DNAAF11: variants seen among roughly 807,000 people sequenced by gnomAD.
The protein encoded by DNAAF11 is dynein axonemal assembly factor 11.
A neutral mutation model predicts 60.8 loss-of-function variants in DNAAF11; 45 were observed. That is an observed-to-expected ratio of 0.74 (90% CI 0.58 to 0.95). The LOEUF (loss-of-function observed/expected upper bound fraction) is 0.95. Among genes scored for constraint, DNAAF11 ranks in the 40% least tolerant of loss-of-function variants. The pLI is 0.00. For missense variants in DNAAF11, 546 were observed against 546.2 expected (o/e 1.00, Z 0.00); for synonymous variants, 191 against 183.5 (o/e 1.04, Z -0.33).
chr8:132,643,336 G>C, intron 3 of DNAAF11: 1 of 204,658 alleles, frequency 4.9e-6, no homozygotes, highest in Admixed American at 5.2e-5. Flanking sequence ...AGTAAAAGTA[G>C]TTGTCACCAC....
intron 11 of DNAAF11, among the ~76,000 whole-genome samples, chr8:132,582,630 G>A (rs1815455869): frequency 6.6e-6 from 1 of 152,110 alleles, no homozygotes; most frequent in Non-Finnish European, 1.5e-5. Context: ...TTTTTCGGTA[G>A]GAATTCAATT....
chr8:132,655,804 C>T (rs774911528), intron 3 of DNAAF11, among the ~76,000 whole-genome samples: 1 of 152,034 alleles, frequency 6.6e-6, no homozygotes, highest in Non-Finnish European at 1.5e-5. Context: ...AGGATGGCTA[C>T]TATAAAAATA....
chr8:132,664,407 A>T (rs1423940624), intron 1 of DNAAF11, among the ~76,000 whole-genome samples: 1 of 152,228 alleles, frequency 6.6e-6, no homozygotes, highest in Non-Finnish European at 1.5e-5. Context: ...TCCAGGGTTG[A>T]CAAAGTTTCT....
intron 3 of DNAAF11, among the ~76,000 whole-genome samples, chr8:132,648,170 T>C (rs1822600086): frequency 6.6e-6 from 1 of 152,196 alleles, no homozygotes; most frequent in Non-Finnish European, 1.5e-5. Context: ...CATGATCAAG[T>C]GGGCTTCATC....
intron 10 of DNAAF11, among the ~76,000 whole-genome samples, chr8:132,592,667 T>C (rs923667963): frequency 2.0e-5 from 3 of 152,108 alleles, no homozygotes; most frequent in African/African-American, 7.2e-5. Context: ...AAAGTATATA[T>C]TGAAATAAAA....
At chr8:132,676,024 A>G (rs1387007099), upstream of DNAAF11, among the ~76,000 whole-genome samples, 6 of 152,178 alleles carry the variant, frequency 3.9e-5, no homozygotes, top group African/African-American at 1.4e-4. Flanking sequence ...CTTTAATTAG[A>G]TAATTTGAGT....
chr8:132,686,899 G>T, the DNAAF11 span, among the ~76,000 whole-genome samples: 1 of 152,142 alleles, frequency 6.6e-6, no homozygotes, highest in East Asian at 1.9e-4. Flanking sequence ...CTCCTGTATT[G>T]CTACTATTAT....
intron 5 of DNAAF11, among the ~76,000 whole-genome samples, chr8:132,627,163 A>C (rs904683568): frequency 3.9e-5 from 6 of 152,328 alleles, no homozygotes; most frequent in Non-Finnish European, 7.3e-5. Context: ...ATATTCTACA[A>C]TATTCTATAT....
chr8:132,701,407 G>T, the DNAAF11 span, among the ~76,000 whole-genome samples: 2 of 152,162 alleles, frequency 1.3e-5, no homozygotes, highest in Non-Finnish European at 2.9e-5. Flanking sequence ...ATGGACACTG[G>T]ACTTAGACCA....
In DNAAF11 at chr8:132,632,819, G is replaced by A. The variant is rs141945265; in HGVS notation, c.574C>T (p.Gln192Ter). The A allele has an allele frequency of 9.3e-6, 15 of 1,613,724 alleles. No individual in the cohort carries two copies. Among genetic ancestry groups the A allele is most frequent in the Admixed American group, 1.7e-5 (1 of 59,980 alleles). Reference sequence around the variant, plus strand: ...TTGTCTTCATTTTTATCCTCTTCTTGGTGTTTCCTCTGAGCCTCTTCCTTG... The same window carrying A: ...TTGTCTTCATTTTTATCCTCTTCTTAGTGTTTCCTCTGAGCCTCTTCCTTG... ...KLKEEAQRKHQEEDKNEDKRS... is the reference protein window; with the variant it reads ...KLKEEAQRKH Residue 192 changes from glutamine to a stop codon, truncating the protein, a stop_gained, in exon 5 of 12, where the codon CAA becomes TAA. Transcript: ENST00000620350. LOFTEE classifies it high-confidence loss of function.
At chr8:132,690,629 A>T in the DNAAF11 span, among the ~76,000 whole-genome samples, 6 of 152,202 alleles carry the variant, frequency 3.9e-5, no homozygotes, top group Admixed American at 3.9e-4. Context: ...TTCCTTAGCC[A>T]TTACCTAATG....
Position 132,572,283 on chromosome 8 carries a change from C to T in DNAAF11, c.*23G>A. ...AAAACTGGACCTGGTGGGTCTCAGC[C>T]AATGGCAACGCAGCCAGATGTTTCA... On this transcript the variant is annotated 3_prime_UTR_variant, in exon 12 of 12. Coordinates refer to ENST00000620350, the MANE Select transcript of DNAAF11 (RefSeq NM_012472.6). 4 of 1,606,612 alleles carry T rather than the reference C, an allele frequency of 2.5e-6. No individual in the cohort carries two copies. Among genetic ancestry groups the T allele is most frequent in the Non-Finnish European group, 3.4e-6 (4 of 1,176,496 alleles).
intron 7 of DNAAF11, among the ~76,000 whole-genome samples, chr8:132,617,302 A>C (rs957298703): frequency 6.6e-6 from 1 of 152,160 alleles, no homozygotes; most frequent in Non-Finnish European, 1.5e-5. Flanking sequence ...CCAAAAAACA[A>C]AATCAAAAGG....
chr8:132,586,657 G>T (rs1815933141), intron 10 of DNAAF11, among the ~76,000 whole-genome samples: 1 of 152,078 alleles, frequency 6.6e-6, no homozygotes, highest in African/African-American at 2.4e-5. Flanking sequence ...GAACTTGGGG[G>T]TCTACAATCC....
chr8:132,586,720 G>A (rs1815938865), intron 10 of DNAAF11, among the ~76,000 whole-genome samples: 1 of 152,100 alleles, frequency 6.6e-6, no homozygotes, highest in African/African-American at 2.4e-5. Context: ...GCCTGATTTG[G>A]CCAATTGAAA....
intron 11 of DNAAF11, among the ~76,000 whole-genome samples, chr8:132,582,943 C>T (rs759203410): frequency 3.3e-4 from 50 of 152,104 alleles, no homozygotes; most frequent in Non-Finnish European, 5.3e-4. Flanking sequence ...GAGCTTTGTG[C>T]AAATTACTTT....
At chr8:132,679,308 T>C (rs1825831755), upstream of DNAAF11, among the ~76,000 whole-genome samples, 1 of 152,148 alleles carries the variant, frequency 6.6e-6, no homozygotes, top group Admixed American at 6.6e-5. Context: ...CAGTAAATAT[T>C]TGTTGAATGA....
At chr8:132,596,804 CT>C (rs1196809897) in intron 10 of DNAAF11, among the ~76,000 whole-genome samples, 1 of 152,216 alleles carries the variant, frequency 6.6e-6, no homozygotes, top group Admixed American at 6.5e-5. Context: ...CTGTTGCCCC[CT>C]GTAAGGATCC....
intron 10 of DNAAF11, among the ~76,000 whole-genome samples, chr8:132,587,024 C>T (rs1224430658): frequency 6.6e-6 from 1 of 152,114 alleles, no homozygotes; most frequent in Non-Finnish European, 1.5e-5. Context: ...AAAAAGAAAG[C>T]TCTTGAACCC....
Sources: gnomAD v4.1 joint callset for allele counts (sites outside exome capture counted in the v4.1 genomes callset) on GRCh38, gnomAD v4.1.1 for gene constraint, MANE v1.5 for transcripts, NCBI Gene and HGNC (gene_info 2026-07-23, HGNC 2026-07-21) for gene names.